The following WDTC1 variants were observed in gnomAD, a reference collection of about 807,000 sequenced individuals.
The protein encoded by WDTC1 is WD and tetratricopeptide repeats 1.
A neutral mutation model predicts 76.0 loss-of-function variants in WDTC1; 12 were observed. The observed-to-expected ratio is 0.16, with a 90% confidence interval of 0.10 to 0.26. The LOEUF is 0.26. WDTC1 is among the 10% of genes least tolerant of loss of function. The probability of loss-of-function intolerance (pLI) is 1.00; values close to 1 mark genes in which losing one functional copy is unlikely to be tolerated. For synonymous variants in WDTC1, 326 were observed against 350.8 expected (o/e 0.93, Z 0.79); for missense variants, 511 against 908.8 (o/e 0.56, Z 5.63).
chr1:27,247,712 C>CTT (rs35930144), intron 1 of WDTC1, among the ~76,000 whole-genome samples: 1 of 136,538 alleles, frequency 7.3e-6, no homozygotes. Context: ...CATTTTCTTT[C>CTT]TTTTTTTTTT....
intron 3 of WDTC1, among the ~76,000 whole-genome samples, chr1:27,278,534 G>T (rs952301804): frequency 6.6e-6 from 1 of 152,170 alleles, no homozygotes; most frequent in Non-Finnish European, 1.5e-5. Context: ...GAAGCTTCTT[G>T]CCATGACCTG....
intron 1 of WDTC1, among the ~76,000 whole-genome samples, chr1:27,254,616 A>G (rs1210820053): frequency 6.6e-6 from 1 of 151,882 alleles, no homozygotes; most frequent in Non-Finnish European, 1.5e-5. Flanking sequence ...AATGCTAAGT[A>G]GGCATCAGTT....
rs1429603488 is a variant in WDTC1, at chr1:27,258,445, T to A, written c.-99-2511T>A. ...TACTTGGGAGGCTGAGGCATGAGAA[T>A]CACTTGAACCCAGGAGGCAGAGGTT... On this transcript the variant is annotated intron_variant, in intron 1 of 15. Coordinates refer to ENST00000319394, the MANE Select transcript of WDTC1 (RefSeq NM_001276252.2). Among the ~76,000 whole-genome samples the A allele has an allele frequency of 4.8e-5, 7 of 146,000 alleles. No individual in the cohort carries two copies. In the South Asian group the frequency reaches 6.4e-4, roughly 13 times the overall value.
At chr1:27,266,080 A>C (rs1021705168) in intron 3 of WDTC1, among the ~76,000 whole-genome samples, 16 of 152,180 alleles carry the variant, frequency 1.1e-4, no homozygotes, top group Admixed American at 7.2e-4. Context: ...AATGTTAAGA[A>C]CCACTACTCT....
At chr1:27,304,434 C>T (rs1369271055) in intron 14 of WDTC1, 1 of 154,626 alleles carries the variant, frequency 6.5e-6, no homozygotes. Context: ...GCATAGACCC[C>T]CATCTCTACA....
rs1323335321 is a variant in WDTC1, at chr1:27,308,493, A to G, written c.*2110A>G. On this transcript the variant is annotated 3_prime_UTR_variant, in exon 16 of 16. Transcript: ENST00000319394. Reference sequence around the variant, plus strand: ...TGGCTGTTTTCTCATCAGTAAAATAAGGGACTTGGAATCTTAGTGGTTTTT... The same window carrying G: ...TGGCTGTTTTCTCATCAGTAAAATAGGGGACTTGGAATCTTAGTGGTTTTT... The G allele has an allele frequency of 6.6e-6, 1 of 152,224 alleles. No individual in the cohort carries two copies. Among genetic ancestry groups the G allele is most frequent in the Non-Finnish European group, 1.5e-5 (1 of 68,054 alleles). 9.4% of individuals were successfully genotyped at this position (152,224 alleles called of 1,614,324 possible).
intron 8 of WDTC1, 111 bp downstream of exon 8, chr1:27,294,227 C>T: frequency 8.7e-7 from 1 of 1,149,524 alleles, no homozygotes; most frequent in Non-Finnish European, 1.2e-6. Flanking sequence ...GTTTTAGAGT[C>T]AGACAGACCT....
Position 27,297,079 on chromosome 1 carries a change from T to C in WDTC1, c.981T>C (p.Gly327=), listed in dbSNP as rs879658244. Residue 327 remains glycine (G), a synonymous_variant, in exon 11 of 16, where the codon GGT becomes GGC. Transcript: ENST00000319394. ...EVQNGKMSTN[G]VSNGVSNGLH... ...AGAATGGCAAGATGTCCACCAACGGTGTGTCCAACGGTGTGTCCAATGGCC... is the reference window on the plus strand; with the variant it reads ...AGAATGGCAAGATGTCCACCAACGGCGTGTCCAACGGTGTGTCCAATGGCC... 4 of 1,613,960 alleles carry C rather than the reference T, an allele frequency of 2.5e-6. No individual in the cohort carries two copies. The highest frequency in any genetic ancestry group is 1.3e-5 in the African/African-American group (1 of 74,988).
At position 27,301,125 on chromosome 1, in the gene WDTC1, G is replaced by A. The variant is rs931584628; in HGVS notation, c.1233-101G>A. 3.0e-6 allele frequency: 3 copies of A among 998,452 alleles called. No homozygotes were observed. Among genetic ancestry groups the A allele is most frequent in the Non-Finnish European group, 4.5e-6 (3 of 661,736 alleles). The allele number at this position is 998,452 out of a possible 1,614,324, so 61.8% of individuals were successfully genotyped here. Reference sequence around the variant, plus strand: ...AGTCCCCTTGCCATGAGATCTGTCAGTGGTGGGCTGGGGTGGCCACAGGAA... The same window carrying A: ...AGTCCCCTTGCCATGAGATCTGTCAATGGTGGGCTGGGGTGGCCACAGGAA... On this transcript the variant is annotated intron_variant, in intron 12 of 15. Transcript: ENST00000319394. The surrounding 1 kb of genome is among the most constrained non-coding windows in gnomAD (Gnocchi z 5.8).
At chr1:27,304,949 G>T in intron 14 of WDTC1, 52 bp from the exon 15 acceptor site, 2 of 1,549,836 alleles carry the variant, frequency 1.3e-6, no homozygotes, top group Non-Finnish European at 1.7e-6. Flanking sequence ...CTCTACTTGA[G>T]GCTGTAGGGC....
chr1:27,261,738 A>T (rs1418686310), intron 2 of WDTC1, among the ~76,000 whole-genome samples: 1 of 152,128 alleles, frequency 6.6e-6, no homozygotes, highest in Non-Finnish European at 1.5e-5. Flanking sequence ...TGGAGTCAGG[A>T]GCTTCATCTC....
At chr1:27,273,409 C>T (rs1266444708) in intron 3 of WDTC1, among the ~76,000 whole-genome samples, 1 of 151,896 alleles carries the variant, frequency 6.6e-6, no homozygotes, top group Non-Finnish European at 1.5e-5. Flanking sequence ...GAGGTTTCAC[C>T]ATGTTAGCCA....
chr1:27,270,854 T>A (rs1301944706), intron 3 of WDTC1, among the ~76,000 whole-genome samples: 2 of 152,240 alleles, frequency 1.3e-5, no homozygotes, highest in African/African-American at 4.8e-5. Context: ...TGAATGTGCC[T>A]GTTTCTCCAT....
At position 27,258,086 on chromosome 1, in the gene WDTC1, C is replaced by T. The variant is rs988733298; in HGVS notation, c.-99-2870C>T. 4.0e-5 allele frequency among the ~76,000 whole-genome samples: 6 copies of T among 150,800 alleles called. No individual in the cohort carries two copies. The East Asian group carries it at 6.1e-4, about 15-fold the overall frequency. ...TTAAGGCATGAGCCACTGCGCCTGG[C>T]GGTTCTTGTCTTTTAAAGAGCTTAT... On this transcript the variant is annotated intron_variant, in intron 1 of 15. Coordinates refer to ENST00000319394, the MANE Select transcript of WDTC1 (RefSeq NM_001276252.2).
intron 2 of WDTC1, among the ~76,000 whole-genome samples, chr1:27,262,195 T>G (rs2012499454): frequency 6.6e-6 from 1 of 152,120 alleles, no homozygotes; most frequent in African/African-American, 2.4e-5. Context: ...CCCAAAGTGC[T>G]GGGATTACAG....
chr1:27,268,787 T>G (rs911703126), intron 3 of WDTC1, among the ~76,000 whole-genome samples: 1 of 150,122 alleles, frequency 6.7e-6, no homozygotes, highest in Admixed American at 6.6e-5. Flanking sequence ...CAATCTTGGC[T>G]CACTGCAACC....
At chr1:27,272,528 T>C (rs115514111) in intron 3 of WDTC1, among the ~76,000 whole-genome samples, 1,836 of 152,330 alleles carry the variant, frequency 0.012, 37 homozygotes, top group African/African-American at 0.042. Flanking sequence ...CTACTTTGTG[T>C]ATGTTACAGA....
chr1:27,304,924 C>A lies in WDTC1; in HGVS notation c.1644-77C>A. The A allele has an allele frequency of 2.1e-6, 3 of 1,444,204 alleles. No individual in the cohort carries two copies. In the South Asian group the frequency reaches 4.1e-5, roughly 20 times the overall value. The allele number at this position is 1,444,204 out of a possible 1,614,324, so 89.5% of individuals were successfully genotyped here. On this transcript the variant is annotated intron_variant, in intron 14 of 15. Coordinates refer to ENST00000319394, the MANE Select transcript of WDTC1 (RefSeq NM_001276252.2). The stretch of plus-strand genomic sequence containing the variant: ...TGCAGACTTCCTTGCTCCCCCTTTA[C>A]CTAGGCCATGCAGCCTCTACTTGAG...
rs950589600 is a variant in WDTC1, at chr1:27,290,531, G to A, written c.480-1684G>A. 9.8e-5 allele frequency among the ~76,000 whole-genome samples: 15 copies of A among 152,314 alleles called. 1 individual carries two copies. The highest frequency in any genetic ancestry group is 6.8e-3 in the Middle Eastern group (2 of 294). ...CAGCGCCTGGCACATAGAGCCGCTT[G>A]ATACATTTCTCTTGAACAGTTGGTC... On this transcript the variant is annotated intron_variant, in intron 6 of 15. Coordinates refer to ENST00000319394, the MANE Select transcript of WDTC1 (RefSeq NM_001276252.2).
Sources: allele counts gnomAD v4.1 joint callset (sites outside exome capture counted in the v4.1 genomes callset), GRCh38; gene constraint gnomAD v4.1.1; non-coding constraint Gnocchi (gnomAD v3.1); transcripts MANE v1.5; gene names NCBI Gene and HGNC (gene_info 2026-07-23, HGNC 2026-07-21).